PRKAR1A: variants seen among roughly 807,000 people sequenced by gnomAD.
PRKAR1A encodes cAMP-dependent protein kinase type I-alpha regulatory subunit.
In PRKAR1A, 3 loss-of-function variants were observed where a neutral mutation model predicts 52.0. The observed-to-expected ratio is 0.06, with a 90% confidence interval of 0.03 to 0.15. PRKAR1A has a LOEUF of 0.15. Among genes scored for constraint, PRKAR1A ranks in the 10% least tolerant of loss-of-function variants. The pLI is 1.00. For synonymous variants in PRKAR1A, 188 were observed against 168.4 expected (o/e 1.12, Z -0.90); for missense variants, 240 against 477.4 (o/e 0.50, Z 4.63).
the PRKAR1A span, chr17:68,422,051 G>C: frequency 1.7e-6 from 1 of 572,158 alleles, no homozygotes; most frequent in African/African-American, 1.9e-5. Context: ...CTCTGTGTGT[G>C]TGTGTATGTA....
the PRKAR1A span, among the ~76,000 whole-genome samples, chr17:68,414,719 T>C: frequency 6.6e-6 from 1 of 152,212 alleles, no homozygotes; most frequent in Non-Finnish European, 1.5e-5. Flanking sequence ...CTGCTTGTTA[T>C]TGGTTTGTTC....
At chr17:68,498,465 G>T in the PRKAR1A span, among the ~76,000 whole-genome samples, 1 of 152,210 alleles carries the variant, frequency 6.6e-6, no homozygotes, top group African/African-American at 2.4e-5. Flanking sequence ...ATAAATGACA[G>T]AATAGGTTCT....
At chr17:68,457,388 C>G in the PRKAR1A span, 1 of 1,536,176 alleles carries the variant, frequency 6.5e-7, no homozygotes, top group Admixed American at 2.0e-5. Context: ...GACTCAACCC[C>G]GCCCGGGGGA....
intron 2 of PRKAR1A, 55 bp downstream of exon 2, chr17:68,515,631 T>A: frequency 6.5e-7 from 1 of 1,534,320 alleles, no homozygotes; most frequent in Non-Finnish European, 9.0e-7. Context: ...TTACATTTAA[T>A]AACTGGAATG....
At chr17:68,548,362 T>A (rs898052587) in intron 11 of PRKAR1A, among the ~76,000 whole-genome samples, 1 of 152,130 alleles carries the variant, frequency 6.6e-6, no homozygotes, top group African/African-American at 2.4e-5. Context: ...AAACCCCGTC[T>A]CTACTAAAAA....
At chr17:68,520,144 A>G (rs2085560305) in intron 2 of PRKAR1A, among the ~76,000 whole-genome samples, 1 of 152,236 alleles carries the variant, frequency 6.6e-6, no homozygotes, top group African/African-American at 2.4e-5. Flanking sequence ...GAGGGAGGGC[A>G]GAAGCTCAAG....
At chr17:68,499,909 A>C in the PRKAR1A span, among the ~76,000 whole-genome samples, 1 of 152,188 alleles carries the variant, frequency 6.6e-6, no homozygotes, top group East Asian at 1.9e-4. Flanking sequence ...TCACTCTTTC[A>C]TGGCCTTCCC....
Position 68,523,048 on chromosome 17 carries a change from A to G in PRKAR1A, c.348+122A>G, listed in dbSNP as rs529778541. On this transcript the variant is annotated intron_variant, in intron 3 of 10. Transcript: ENST00000589228. ...GGTGGAACTTCATCCATCCTGTACA[A>G]TTCTTGGGTACTGGAAAACAGGTTT... is the stretch of plus-strand genomic sequence containing the variant. 139 of 1,192,234 alleles carry G rather than the reference A, an allele frequency of 1.2e-4. No homozygotes were observed. In the East Asian group the frequency reaches 2.5e-3, roughly 21 times the overall value. 73.9% of individuals were successfully genotyped at this position (1,192,234 alleles called of 1,614,324 possible).
chr17:68,419,925 T>C, the PRKAR1A span, among the ~76,000 whole-genome samples: 1 of 151,912 alleles, frequency 6.6e-6, no homozygotes, highest in Non-Finnish European at 1.5e-5. Context: ...CGCTACTGCA[T>C]TCCAGCCTGG....
At chr17:68,486,553 CTTTCTT>C in the PRKAR1A span, among the ~76,000 whole-genome samples, 1 of 126,700 alleles carries the variant, frequency 7.9e-6, no homozygotes, top group Admixed American at 8.8e-5. Context: ...TTCTTTCTTT[CTTTCTT>C]TCTTTCTTTC....
rs144172328 is a variant in PRKAR1A, at chr17:68,543,240, A to G, written c.974-7844A>G. Among the ~76,000 whole-genome samples, 438 of 152,206 alleles carry G rather than the reference A, an allele frequency of 2.9e-3. 2 individuals are homozygous for G. Among genetic ancestry groups the G allele is most frequent in the African/African-American group, 1.0e-2 (414 of 41,522 alleles). On this transcript the variant is annotated intron_variant, in intron 11 of 11. Transcript: ENST00000585981. ...GCTACAGACCACACTTTGGGTAGCA[A>G]TGACTGAGCAAATAGAGGGAGTGGA... is the stretch of plus-strand genomic sequence containing the variant.
At chr17:68,509,101 T>C (rs1343709492), upstream of PRKAR1A, among the ~76,000 whole-genome samples, 1 of 152,226 alleles carries the variant, frequency 6.6e-6, no homozygotes, top group Non-Finnish European at 1.5e-5. Flanking sequence ...GCTTTCTTAA[T>C]TCTATTTCTG....
chr17:68,527,425 G>A (rs2085825863), intron 7 of PRKAR1A, among the ~76,000 whole-genome samples: 1 of 152,212 alleles, frequency 6.6e-6, no homozygotes, highest in Non-Finnish European at 1.5e-5. Flanking sequence ...AATATTTTCA[G>A]AGATAAATTG....
chr17:68,422,977 A>T, the PRKAR1A span, among the ~76,000 whole-genome samples: 2 of 152,156 alleles, frequency 1.3e-5, no homozygotes, highest in Admixed American at 6.5e-5. Context: ...GGCAAGCGTG[A>T]TCCTACGCAG....
chr17:68,484,161 A>G, the PRKAR1A span, among the ~76,000 whole-genome samples: 1 of 152,222 alleles, frequency 6.6e-6, no homozygotes, highest in African/African-American at 2.4e-5. Context: ...GAAACTATAG[A>G]GTAATATGGG....
At chr17:68,457,066 C>G in the PRKAR1A span, among the ~76,000 whole-genome samples, 3 of 152,308 alleles carry the variant, frequency 2.0e-5, no homozygotes, top group East Asian at 5.8e-4. Context: ...CCGTGGCCCC[C>G]GCAGCCCCAC....
the PRKAR1A span, among the ~76,000 whole-genome samples, chr17:68,439,353 G>T: frequency 1.4e-4 from 22 of 152,128 alleles, no homozygotes; most frequent in Non-Finnish European, 2.6e-4. Flanking sequence ...GAAACATTAG[G>T]CTATGTGAAA....
upstream of PRKAR1A, among the ~76,000 whole-genome samples, chr17:68,507,060 G>GA (rs1252356500): frequency 1.3e-5 from 2 of 151,986 alleles, no homozygotes; most frequent in African/African-American, 2.4e-5. Flanking sequence ...CTCCAGCAAA[G>GA]AAAAAAATGA....
At chr17:68,547,010 C>CT (rs559157360) in intron 11 of PRKAR1A, among the ~76,000 whole-genome samples, 2,319 of 146,420 alleles carry the variant, frequency 0.016, 61 homozygotes, top group African/African-American at 0.054. Flanking sequence ...TGAAAGGAAT[C>CT]TTTTTTTTTT....
Sources: allele counts gnomAD v4.1 joint callset (sites outside exome capture counted in the v4.1 genomes callset), GRCh38; gene constraint gnomAD v4.1.1; transcripts MANE v1.5; gene names NCBI Gene and HGNC (gene_info 2026-07-23, HGNC 2026-07-21).